Variants in CDH13 observed in about 807,000 individuals in gnomAD.
CDH13 encodes the protein cadherin 13.
Under a neutral mutation model 63.8 loss-of-function variants are expected in CDH13, and 24 were observed. The observed-to-expected ratio is 0.38, with a 90% confidence interval of 0.27 to 0.53. The LOEUF (loss-of-function observed/expected upper bound fraction) is 0.53, where lower values mean the gene tolerates loss of function less well. Among genes scored for constraint, CDH13 ranks in the 20% least tolerant of loss-of-function variants. The pLI, the probability that CDH13 is intolerant of heterozygous loss-of-function variation, is 0.85. For synonymous variants in CDH13, 503 were observed against 355.3 expected (o/e 1.42, Z -4.67); for missense variants, 1,049 against 903.1 (o/e 1.16, Z -2.07).
chr16:83,006,968 GGCTGGAGT>G (rs1271374807), intron 2 of CDH13, among the ~76,000 whole-genome samples: 1 of 148,268 alleles, frequency 6.7e-6, no homozygotes, highest in African/African-American at 2.5e-5. Context: ...TTATTGCCCA[GGCTGGAGT>G]GCAATGGCAT....
At chr16:82,673,621 G>T (rs1026516006) in intron 1 of CDH13, among the ~76,000 whole-genome samples, 22 of 152,178 alleles carry the variant, frequency 1.4e-4, no homozygotes, top group African/African-American at 4.6e-4. Context: ...ACAACAAAAA[G>T]GTTTTCATTT....
At chr16:83,448,071 A>C (rs2072765371) in intron 6 of CDH13, among the ~76,000 whole-genome samples, 1 of 152,208 alleles carries the variant, frequency 6.6e-6, no homozygotes, top group African/African-American at 2.4e-5. Context: ...TAGCTGAGAT[A>C]GGGGTAAATA....
chr16:82,942,791 A>G (rs1006112414), intron 2 of CDH13, among the ~76,000 whole-genome samples: 4 of 152,184 alleles, frequency 2.6e-5, no homozygotes, highest in East Asian at 1.9e-4. Flanking sequence ...ATGAGTTACA[A>G]TGCTGGGATT....
At chr16:83,713,622 A>G (rs1313154049) in intron 10 of CDH13, among the ~76,000 whole-genome samples, 2 of 152,334 alleles carry the variant, frequency 1.3e-5, no homozygotes, top group Middle Eastern at 3.4e-3. Context: ...TTAGTTAAAA[A>G]GGAAACCTAA....
chr16:83,743,253 C>T (rs1288334725), intron 10 of CDH13, among the ~76,000 whole-genome samples: 1 of 152,032 alleles, frequency 6.6e-6, no homozygotes, highest in South Asian at 2.1e-4. Context: ...AGAAAGAGTC[C>T]TGTGAAAACT....
At chr16:83,368,884 T>TATATA (rs2091304865) in intron 6 of CDH13, among the ~76,000 whole-genome samples, 3 of 47,698 alleles carry the variant, frequency 6.3e-5, no homozygotes, top group Admixed American at 4.8e-4. Context: ...GTATTCCATG[T>TATATA]TATATATATA....
intron 2 of CDH13, among the ~76,000 whole-genome samples, chr16:82,995,550 C>T (rs1436608599): frequency 6.6e-6 from 1 of 152,166 alleles, no homozygotes; most frequent in Non-Finnish European, 1.5e-5. Flanking sequence ...ATCAAGCCAC[C>T]ATTCCAATTC....
At chr16:83,055,874 A>G (rs983633443) in intron 3 of CDH13, among the ~76,000 whole-genome samples, 1 of 152,188 alleles carries the variant, frequency 6.6e-6, no homozygotes, top group African/African-American at 2.4e-5. Flanking sequence ...AAAAGTAAAA[A>G]CCTGTGCTCA....
intron 5 of CDH13, among the ~76,000 whole-genome samples, chr16:83,233,794 C>T (rs1049125220): frequency 6.6e-6 from 1 of 152,142 alleles, no homozygotes; most frequent in Non-Finnish European, 1.5e-5. Context: ...TAGTTCACAA[C>T]ATTAATCTTC....
chr16:83,561,353 G>A lies in CDH13; in HGVS notation c.961-41101G>A, dbSNP rs143753871. Among the ~76,000 whole-genome samples the A allele has an allele frequency of 2.0e-5, 3 of 150,628 alleles. 1 individual carries two copies. The highest frequency in any genetic ancestry group is 7.3e-5 in the African/African-American group (3 of 40,850). On this transcript the variant is annotated intron_variant, in intron 7 of 13. Transcript: ENST00000567109. ...AGGCAGGAGAATTATTTGAACCTGA[G>A]AGGCGGAGGTTGTGGTGAGCTGAGA...
At chr16:82,691,782 G>T (rs757123997) in intron 1 of CDH13, among the ~76,000 whole-genome samples, 27 of 152,190 alleles carry the variant, frequency 1.8e-4, no homozygotes, top group Non-Finnish European at 3.4e-4. Flanking sequence ...TTCTGACATG[G>T]GTTAATAAGG....
chr16:82,946,997 C>T lies in CDH13; in HGVS notation c.158-85013C>T, dbSNP rs141273802. On this transcript the variant is annotated intron_variant, in intron 2 of 13. Coordinates refer to ENST00000567109, the MANE Select transcript of CDH13 (RefSeq NM_001257.5). Reference sequence around the variant, plus strand: ...CACTAGGCCAAAGTCTTTATAAGTGCGCACGCCTGTGTGTGTGTGTGTGTG... The same window carrying T: ...CACTAGGCCAAAGTCTTTATAAGTGTGCACGCCTGTGTGTGTGTGTGTGTG... 1.3e-3 allele frequency among the ~76,000 whole-genome samples: 181 copies of T among 134,902 alleles called. 1 individual carries two copies. The highest frequency in any genetic ancestry group is 4.5e-3 in the African/African-American group (162 of 36,084). 88.5% of individuals were successfully genotyped at this position (134,902 alleles called of 152,430 possible).
At chr16:83,355,864 G>C (rs926669035) in intron 6 of CDH13, among the ~76,000 whole-genome samples, 6 of 152,148 alleles carry the variant, frequency 3.9e-5, no homozygotes, top group Admixed American at 6.5e-5. Context: ...ACACAGCAGT[G>C]GTAATCAGCT....
intron 10 of CDH13, among the ~76,000 whole-genome samples, chr16:83,730,085 T>C (rs907026384): frequency 6.6e-6 from 1 of 152,236 alleles, no homozygotes; most frequent in African/African-American, 2.4e-5. Context: ...CATGCTGTGT[T>C]CATCATGGCT....
intron 1 of CDH13, among the ~76,000 whole-genome samples, chr16:82,741,221 A>G (rs1429701687): frequency 1.3e-5 from 2 of 152,206 alleles, no homozygotes; most frequent in Non-Finnish European, 2.9e-5. Context: ...TAGCTTTACA[A>G]TAACCTTCAC....
At chr16:82,808,898 G>T (rs1370140714) in intron 1 of CDH13, among the ~76,000 whole-genome samples, 2 of 152,112 alleles carry the variant, frequency 1.3e-5, no homozygotes, top group African/African-American at 4.8e-5. Context: ...CGTTTCTGTA[G>T]TGAGCATCCT....
chr16:82,674,794 T>C (rs1913705190), intron 1 of CDH13, among the ~76,000 whole-genome samples: 1 of 152,198 alleles, frequency 6.6e-6, no homozygotes, highest in Non-Finnish European at 1.5e-5. Context: ...TTTATAATTA[T>C]GGTATGTGTT....
At chr16:83,171,424 TG>T (rs1597460167) in intron 4 of CDH13, 1 of 1,004,386 alleles carries the variant, frequency 1.0e-6, no homozygotes, top group African/African-American at 1.6e-5. Context: ...ACATGAGATT[TG>T]GGTGAGGACA....
chr16:82,963,570 A>G (rs74030329), intron 2 of CDH13, among the ~76,000 whole-genome samples: 2,063 of 152,214 alleles, frequency 0.014, 43 homozygotes, highest in African/African-American at 0.048. Context: ...TCTTCCCCTT[A>G]TATAACTGTC....
Sources: allele counts gnomAD v4.1 joint callset (sites outside exome capture counted in the v4.1 genomes callset), GRCh38; gene constraint gnomAD v4.1.1; transcripts MANE v1.5; gene names NCBI Gene and HGNC (gene_info 2026-07-23, HGNC 2026-07-21).